Variants in SNTG1 observed in about 807,000 individuals in gnomAD.
SNTG1 encodes syntrophin gamma 1, also known as gamma-1-syntrophin.
SNTG1 carries 39 observed loss-of-function variants against 74.7 expected under a neutral mutation model. The observed-to-expected ratio is 0.52, with a 90% confidence interval of 0.40 to 0.68. The LOEUF (loss-of-function observed/expected upper bound fraction) is 0.68, where lower values mean the gene tolerates loss of function less well. Among genes scored for constraint, SNTG1 ranks in the 30% least tolerant of loss-of-function variants. The pLI is 0.00. For missense variants in SNTG1, 685 were observed against 609.5 expected (o/e 1.12, Z -1.30); for synonymous variants, 254 against 217.1 (o/e 1.17, Z -1.49).
At chr8:50,011,079 G>A (rs1481794789) in intron 1 of SNTG1, among the ~76,000 whole-genome samples, 1 of 151,996 alleles carries the variant, frequency 6.6e-6, no homozygotes, top group African/African-American at 2.4e-5. Flanking sequence ...CTACATATAT[G>A]CTTGTGACTT....
At chr8:50,211,399 T>C (rs1052323351) in intron 2 of SNTG1, among the ~76,000 whole-genome samples, 16 of 152,178 alleles carry the variant, frequency 1.1e-4, no homozygotes, top group African/African-American at 3.9e-4. Flanking sequence ...TATAATTATA[T>C]TCATTTAATA....
At chr8:50,512,603 C>T (rs2094090959) in intron 9 of SNTG1, among the ~76,000 whole-genome samples, 2 of 152,188 alleles carry the variant, frequency 1.3e-5, no homozygotes, top group Admixed American at 1.3e-4. Flanking sequence ...TTCTTGGAGG[C>T]TTTGCTCGTT....
chr8:50,453,028 G>T (rs959204624), intron 8 of SNTG1, among the ~76,000 whole-genome samples: 2 of 152,156 alleles, frequency 1.3e-5, no homozygotes. Flanking sequence ...AACAAATTGG[G>T]CAGGTATGGA....
intron 12 of SNTG1, among the ~76,000 whole-genome samples, chr8:50,584,839 C>T (rs1359005938): frequency 6.6e-6 from 1 of 152,096 alleles, no homozygotes; most frequent in African/African-American, 2.4e-5. Context: ...ATGATGAAGT[C>T]CCCGCAGATG....
chr8:50,519,289 TG>T (rs2094159793), intron 9 of SNTG1, among the ~76,000 whole-genome samples: 1 of 152,166 alleles, frequency 6.6e-6, no homozygotes, highest in Non-Finnish European at 1.5e-5. Context: ...AACTAGGTAT[TG>T]ATGGAATGTA....
At chr8:49,914,678 G>A (rs560550499) in intron 1 of SNTG1, among the ~76,000 whole-genome samples, 1 of 152,210 alleles carries the variant, frequency 6.6e-6, no homozygotes, top group East Asian at 1.9e-4. Flanking sequence ...ATTTACTTGG[G>A]TTTCAATCAA....
intron 1 of SNTG1, among the ~76,000 whole-genome samples, chr8:49,934,289 AT>A (rs1807853788): frequency 2.3e-5 from 1 of 44,260 alleles, no homozygotes; most frequent in African/African-American, 8.9e-5. Context: ...AGATCTATCT[AT>A]CTATCTATCT....
chr8:50,032,833 C>A (rs1817844611), intron 1 of SNTG1, among the ~76,000 whole-genome samples: 1 of 152,054 alleles, frequency 6.6e-6, no homozygotes, highest in African/African-American at 2.4e-5. Flanking sequence ...TCCCAGGAAC[C>A]ATCAAATTAG....
At chr8:50,210,700 T>A (rs891686092) in intron 2 of SNTG1, among the ~76,000 whole-genome samples, 2 of 152,208 alleles carry the variant, frequency 1.3e-5, no homozygotes, top group Non-Finnish European at 2.9e-5. Flanking sequence ...AATCCCCTCC[T>A]CATTGGTACA....
chr8:50,256,462 T>C (rs544304459), intron 2 of SNTG1, among the ~76,000 whole-genome samples: 1 of 152,114 alleles, frequency 6.6e-6, no homozygotes, highest in African/African-American at 2.4e-5. Flanking sequence ...TATTAATGTA[T>C]TTTTAACTAA....
chr8:50,369,504 G>A (rs1357436197), intron 2 of SNTG1, among the ~76,000 whole-genome samples: 1 of 151,806 alleles, frequency 6.6e-6, no homozygotes, highest in Admixed American at 6.6e-5. Flanking sequence ...GCTGAGGCAG[G>A]AAAATCGCTT....
chr8:50,731,223 C>T (rs2095512122), intron 17 of SNTG1, among the ~76,000 whole-genome samples: 1 of 152,028 alleles, frequency 6.6e-6, no homozygotes, highest in Non-Finnish European at 1.5e-5. Flanking sequence ...TGATGGAGTT[C>T]AGGCCAGTGC....
At chr8:50,773,599 G>A (rs1464353561) in intron 18 of SNTG1, among the ~76,000 whole-genome samples, 2 of 151,998 alleles carry the variant, frequency 1.3e-5, no homozygotes, top group African/African-American at 4.8e-5. Flanking sequence ...AAACAGATAG[G>A]AAAACATCAA....
At position 50,449,062 on chromosome 8, in the gene SNTG1, T is replaced by G. The variant is rs535481119; in HGVS notation, c.220-606T>G. On this transcript the variant is annotated intron_variant, in intron 5 of 18. Transcript: ENST00000642720. ...TAAAATAAATAAATACATAAATAAA[T>G]AAATAATAAAAATAGTACTACTTCA... Among the ~76,000 whole-genome samples the G allele has an allele frequency of 6.2e-4, 94 of 152,090 alleles. 1 individual carries two copies. Among genetic ancestry groups the G allele is most frequent in the Middle Eastern group, 3.4e-3 (1 of 294 alleles).
intron 17 of SNTG1, among the ~76,000 whole-genome samples, chr8:50,743,451 G>C (rs542579703): frequency 6.6e-6 from 1 of 151,544 alleles, no homozygotes; most frequent in Non-Finnish European, 1.5e-5. Flanking sequence ...TTGTCAGAAC[G>C]CATCAACCTT....
At chr8:50,153,805 C>G (rs2082157117) in intron 1 of SNTG1, among the ~76,000 whole-genome samples, 2 of 152,142 alleles carry the variant, frequency 1.3e-5, no homozygotes, top group Non-Finnish European at 2.9e-5. Context: ...AGGTGTCAGT[C>G]TGCCCCCTAC....
chr8:50,209,248 T>A lies in SNTG1; in HGVS notation c.-28+36613T>A, dbSNP rs1444218638. On this transcript the variant is annotated intron_variant, in intron 2 of 18. Coordinates refer to ENST00000642720, the MANE Select transcript of SNTG1 (RefSeq NM_018967.5). ...GAAGTTCGAACTGGATGGAGCCCAC[T>A]GCAGCTCAAGAATGCCTGCCTGCCT... Among the ~76,000 whole-genome samples, 4 of 152,120 alleles carry A rather than the reference T, an allele frequency of 2.6e-5. 1 individual carries two copies. Among genetic ancestry groups the A allele is most frequent in the Admixed American group, 2.0e-4 (3 of 15,274 alleles).
intron 18 of SNTG1, among the ~76,000 whole-genome samples, chr8:50,780,845 C>T (rs1225458462): frequency 1.3e-5 from 2 of 152,178 alleles, no homozygotes; most frequent in African/African-American, 4.8e-5. Flanking sequence ...GCATTTAATG[C>T]TATAAATTTC....
intron 13 of SNTG1, among the ~76,000 whole-genome samples, chr8:50,643,138 A>G (rs2095084753): frequency 6.6e-6 from 1 of 152,244 alleles, no homozygotes; most frequent in South Asian, 2.1e-4. Context: ...GGAAAAGTCA[A>G]ACTCAGATAA....
Sources: gnomAD v4.1 joint callset for allele counts (sites outside exome capture counted in the v4.1 genomes callset) on GRCh38, gnomAD v4.1.1 for gene constraint, MANE v1.5 for transcripts, NCBI Gene and HGNC (gene_info 2026-07-23, HGNC 2026-07-21) for gene names.